The following HS3ST2 variants were observed in gnomAD, a reference collection of about 807,000 sequenced individuals.
The protein encoded by HS3ST2 is heparan sulfate glucosamine 3-O-sulfotransferase 2.
In HS3ST2, 17 loss-of-function variants were observed where a neutral mutation model predicts 26.3. The ratio of observed to expected loss-of-function variants is 0.65; its 90% CI spans 0.44 to 0.97. The LOEUF is 0.97. HS3ST2 is among the 50% of genes least tolerant of loss of function. The pLI is 0.00. For synonymous variants in HS3ST2, 237 were observed against 219.2 expected (o/e 1.08, Z -0.72); for missense variants, 402 against 501.2 (o/e 0.80, Z 1.89).
intron 1 of HS3ST2, among the ~76,000 whole-genome samples, chr16:22,845,213 A>T (rs549599757): frequency 6.8e-6 from 1 of 148,022 alleles, no homozygotes; most frequent in South Asian, 2.1e-4. Context: ...CATTGGGAGA[A>T]CAGACTAATA....
In HS3ST2 at chr16:22,889,814, A is replaced by G. The variant is rs962748846; in HGVS notation, c.486-25130A>G. ...GGGGACTACCCTTTACACATTCAAC[A>G]GGTTTCTACCACAACCAGGAAGTGA... On this transcript the variant is annotated intron_variant, in intron 1 of 1. Transcript: ENST00000261374. Among the ~76,000 whole-genome samples, 3 of 152,202 alleles carry G rather than the reference A, an allele frequency of 2.0e-5. No homozygotes were observed. In the East Asian group the frequency reaches 5.8e-4, roughly 29 times the overall value.
At chr16:22,820,288 C>A in intron 1 of HS3ST2, among the ~76,000 whole-genome samples, 1 of 152,172 alleles carries the variant, frequency 6.6e-6, no homozygotes, top group East Asian at 1.9e-4. Context: ...GAATGGGCAA[C>A]AAGAATTGTC....
chr16:22,875,201 A>T (rs888376047), intron 1 of HS3ST2, among the ~76,000 whole-genome samples: 3 of 151,876 alleles, frequency 2.0e-5, no homozygotes, highest in Non-Finnish European at 4.4e-5. Flanking sequence ...GGTTATAAAG[A>T]TATAAAGAAA....
chr16:22,865,759 A>G (rs1369536307), intron 1 of HS3ST2, among the ~76,000 whole-genome samples: 1 of 152,252 alleles, frequency 6.6e-6, no homozygotes, highest in Admixed American at 6.5e-5. Context: ...AGGAAATAGG[A>G]TTCAAGTAAA....
intron 1 of HS3ST2, among the ~76,000 whole-genome samples, chr16:22,910,195 G>A (rs1315019151): frequency 1.3e-5 from 2 of 152,118 alleles, no homozygotes; most frequent in Non-Finnish European, 2.9e-5. Flanking sequence ...ATGTTAATTG[G>A]TGCTTCACAG....
intron 1 of HS3ST2, among the ~76,000 whole-genome samples, chr16:22,847,102 T>C (rs548360522): frequency 2.0e-5 from 3 of 152,256 alleles, no homozygotes; most frequent in Non-Finnish European, 2.9e-5. Context: ...TAGTACCCAA[T>C]AGTTATTTCT....
At chr16:22,872,179 G>A (rs113315617) in intron 1 of HS3ST2, among the ~76,000 whole-genome samples, 2 of 152,324 alleles carry the variant, frequency 1.3e-5, no homozygotes, top group African/African-American at 4.8e-5. Flanking sequence ...CTGAGCATTA[G>A]GATTTCAAAT....
chr16:22,879,625 G>A (rs1348467449), intron 1 of HS3ST2, among the ~76,000 whole-genome samples: 1 of 152,164 alleles, frequency 6.6e-6, no homozygotes, highest in African/African-American at 2.4e-5. Flanking sequence ...TGTGGCAAGG[G>A]AAGGAAAGGA....
intron 1 of HS3ST2, among the ~76,000 whole-genome samples, chr16:22,886,347 C>T (rs866451393): frequency 3.3e-5 from 5 of 152,158 alleles, no homozygotes; most frequent in Non-Finnish European, 5.9e-5. Flanking sequence ...ATGTAAAATG[C>T]TGTGTTCATG....
At chr16:22,833,249 T>G (rs1463810861) in intron 1 of HS3ST2, 1 of 455,990 alleles carries the variant, frequency 2.2e-6, no homozygotes, top group South Asian at 1.5e-5. Flanking sequence ...TTCACTTGGG[T>G]GAAGTTGAGT....
At chr16:22,887,796 A>AAC (rs1207617638) in intron 1 of HS3ST2, among the ~76,000 whole-genome samples, 1 of 151,430 alleles carries the variant, frequency 6.6e-6, no homozygotes, top group Non-Finnish European at 1.5e-5. Context: ...GAAAAAAAAA[A>AAC]AAACTAGCCA....
chr16:22,854,038 G>A (rs1302011859), intron 1 of HS3ST2, among the ~76,000 whole-genome samples: 1 of 152,184 alleles, frequency 6.6e-6, no homozygotes, highest in Non-Finnish European at 1.5e-5. Context: ...ATCAGCTGAT[G>A]ATTGGCTGGA....
intron 1 of HS3ST2, chr16:22,833,558 G>T (rs1901207242): frequency 2.9e-6 from 1 of 341,632 alleles, no homozygotes; most frequent in Non-Finnish European, 5.8e-6. Context: ...ACCTTTTTGG[G>T]GAGTCTACTA....
At chr16:22,904,873 G>A (rs1364244857) in intron 1 of HS3ST2, among the ~76,000 whole-genome samples, 7 of 152,200 alleles carry the variant, frequency 4.6e-5, no homozygotes, top group Admixed American at 4.6e-4. Context: ...TGTGGACTTG[G>A]AAGGAAATGG....
intron 1 of HS3ST2, among the ~76,000 whole-genome samples, chr16:22,858,219 C>G (rs556396717): frequency 6.6e-6 from 1 of 151,610 alleles, no homozygotes; most frequent in East Asian, 1.9e-4. Flanking sequence ...AACCCAAAGG[C>G]TAAGTGCTTG....
intron 1 of HS3ST2, among the ~76,000 whole-genome samples, chr16:22,818,731 C>T: frequency 1.9e-5 from 1 of 52,254 alleles, no homozygotes; most frequent in African/African-American, 1.1e-4. Flanking sequence ...TTCCCTCCCT[C>T]CCTCCTTCCC....
intron 1 of HS3ST2, among the ~76,000 whole-genome samples, chr16:22,865,071 AGAGGAAAAG>A (rs1254189251): frequency 6.9e-6 from 1 of 145,430 alleles, no homozygotes; most frequent in Non-Finnish European, 1.5e-5. Context: ...AAAAAAAAAA[AGAGGAAAAG>A]AAAAAACCCT....
chr16:22,832,853 C>T (rs1271671224), intron 1 of HS3ST2, among the ~76,000 whole-genome samples: 1 of 151,932 alleles, frequency 6.6e-6, no homozygotes, highest in Non-Finnish European at 1.5e-5. Context: ...GCCCACCAGA[C>T]AGCCTCAGGA....
At chr16:22,882,602 C>A (rs190263469) in intron 1 of HS3ST2, among the ~76,000 whole-genome samples, 1 of 152,108 alleles carries the variant, frequency 6.6e-6, no homozygotes, top group African/African-American at 2.4e-5. Flanking sequence ...GGCATGGTGG[C>A]ATGCGCCTAT....
Sources: gnomAD v4.1 joint callset for allele counts (sites outside exome capture counted in the v4.1 genomes callset) on GRCh38, gnomAD v4.1.1 for gene constraint, MANE v1.5 for transcripts, NCBI Gene and HGNC (gene_info 2026-07-23, HGNC 2026-07-21) for gene names.